Variants in NXNL2 observed in about 807,000 individuals in gnomAD.
NXNL2 encodes the protein nucleoredoxin like 2, also known as nucleoredoxin-like protein 2.
A neutral mutation model predicts 11.1 loss-of-function variants in NXNL2; 7 were observed. The observed-to-expected ratio is 0.63, with a 90% CI of 0.36 to 1.18. NXNL2 has a LOEUF of 1.18. Among genes scored for constraint, NXNL2 ranks in the 50% most tolerant of loss-of-function variants. The probability of loss-of-function intolerance (pLI) is 0.02; values close to 1 mark genes in which losing one functional copy is unlikely to be tolerated. For synonymous variants in NXNL2, 109 were observed against 101.8 expected (o/e 1.07, Z -0.42); for missense variants, 233 against 217.7 (o/e 1.07, Z -0.44).
At chr9:88,556,408 G>C (rs539021269) in intron 1 of NXNL2, among the ~76,000 whole-genome samples, 1 of 152,234 alleles carries the variant, frequency 6.6e-6, no homozygotes, top group South Asian at 2.1e-4. Flanking sequence ...GAGTTTTATT[G>C]AGTGACAGAA....
intron 1 of NXNL2, among the ~76,000 whole-genome samples, chr9:88,536,795 G>A (rs1829630415): frequency 6.6e-6 from 1 of 152,182 alleles, no homozygotes; most frequent in Non-Finnish European, 1.5e-5. Context: ...CCCAGGCAGG[G>A]CACCGCCCAG....
At position 88,544,625 on chromosome 9, in the gene NXNL2, G is replaced by A; in HGVS notation, c.*78G>A. 1.4e-6 allele frequency: 2 copies of A among 1,447,824 alleles called. No homozygotes were observed. Among genetic ancestry groups the A allele is most frequent in the Non-Finnish European group, 1.8e-6 (2 of 1,097,526 alleles). 89.7% of individuals were successfully genotyped at this position (1,447,824 alleles called of 1,614,324 possible). A position where few individuals can be genotyped will look rare whatever the true frequency, so the allele number is the denominator to read the frequency against. ...GCTGGGGCAAAGAGGAGCATGTTGGGTTCCTTCCTCTGTTGGTGTGATTTC... is the reference window on the plus strand; with the variant it reads ...GCTGGGGCAAAGAGGAGCATGTTGGATTCCTTCCTCTGTTGGTGTGATTTC... On this transcript the variant is annotated 3_prime_UTR_variant, in exon 2 of 2. Coordinates refer to ENST00000375854, the MANE Select transcript of NXNL2 (RefSeq NM_001161625.2).
At chr9:88,582,857 G>C (rs760353422) in intron 1 of NXNL2, among the ~76,000 whole-genome samples, 10 of 152,118 alleles carry the variant, frequency 6.6e-5, no homozygotes, top group South Asian at 2.1e-4. Context: ...TAGTAGAGAT[G>C]GGGCTTTGCC....
chr9:88,566,581 G>C (rs1830173959), intron 1 of NXNL2, among the ~76,000 whole-genome samples: 2 of 152,166 alleles, frequency 1.3e-5, no homozygotes, highest in African/African-American at 4.8e-5. Flanking sequence ...GGGATTACAG[G>C]CATGAGCCAC....
At chr9:88,581,408 T>C (rs73490050) in intron 1 of NXNL2, among the ~76,000 whole-genome samples, 7,749 of 150,834 alleles carry the variant, frequency 0.051, 297 homozygotes, top group African/African-American at 0.095. Flanking sequence ...ATAGTGAGCA[T>C]GAGTAATTTT....
intron 1 of NXNL2, among the ~76,000 whole-genome samples, chr9:88,581,990 T>C (rs1451490633): frequency 2.6e-5 from 4 of 152,214 alleles, no homozygotes; most frequent in Non-Finnish European, 5.9e-5. Context: ...CATCTCCTTA[T>C]GGACTTCGGC....
downstream of NXNL2, among the ~76,000 whole-genome samples, chr9:88,549,910 C>T (rs987477051): frequency 2.6e-5 from 4 of 152,054 alleles, no homozygotes; most frequent in Non-Finnish European, 5.9e-5. Flanking sequence ...CTGCAACCTC[C>T]GCCTCCCAGG....
chr9:88,556,448 T>C (rs1830012216), intron 1 of NXNL2, among the ~76,000 whole-genome samples: 1 of 152,102 alleles, frequency 6.6e-6, no homozygotes, highest in Admixed American at 6.6e-5. Flanking sequence ...GGACCCGAAG[T>C]GGGTAACCCA....
At chr9:88,575,250 A>G (rs1423418660) in exon 3 of NXNL2, 2 of 738,512 alleles carry the variant, frequency 2.7e-6, no homozygotes, top group African/African-American at 3.9e-5. Context: ...TGCTGGGTAT[A>G]TACCCGAAAG....
chr9:88,579,815 T>A (rs904635896), downstream of NXNL2, among the ~76,000 whole-genome samples: 5 of 152,114 alleles, frequency 3.3e-5, no homozygotes, highest in Non-Finnish European at 7.4e-5. Flanking sequence ...CTTAACCTTC[T>A]GAGGGCTGGT....
intron 1 of NXNL2, chr9:88,571,083 T>C (rs1830256745): frequency 2.3e-6 from 1 of 426,918 alleles, no homozygotes; most frequent in Non-Finnish European, 4.6e-6. Flanking sequence ...TTTTTTTTTT[T>C]CAGACGGAGT....
chr9:88,569,169 G>A (rs531650353), intron 1 of NXNL2, among the ~76,000 whole-genome samples: 12 of 152,256 alleles, frequency 7.9e-5, no homozygotes, highest in South Asian at 6.2e-4. Context: ...GGTCTCAAAT[G>A]GTCCTCCTGC....
In NXNL2 at chr9:88,535,751, T is replaced by C; in HGVS notation, c.302+15T>C. On this transcript the variant is annotated intron_variant, in intron 1 of 1. Transcript: ENST00000375854. ...CCCTACCGGCAGTGAGTGGGGGTCCTGGGGGGGCGGGGGCCGCCCGGCACG... is the reference window on the plus strand; with the variant it reads ...CCCTACCGGCAGTGAGTGGGGGTCCCGGGGGGGCGGGGGCCGCCCGGCACG... The C allele has an allele frequency of 2.0e-6, 3 of 1,530,440 alleles. No homozygotes were observed. Among genetic ancestry groups the C allele is most frequent in the Non-Finnish European group, 2.6e-6 (3 of 1,147,968 alleles). The allele number at this position is 1,530,440 out of a possible 1,614,324, so 94.8% of individuals were successfully genotyped here. A position where few individuals can be genotyped will look rare whatever the true frequency, so the allele number is the denominator to read the frequency against.
downstream of NXNL2, among the ~76,000 whole-genome samples, chr9:88,578,639 G>T (rs888804035): frequency 1.3e-5 from 2 of 152,230 alleles, no homozygotes; most frequent in Non-Finnish European, 2.9e-5. Flanking sequence ...CGCCGGCCCG[G>T]CCTACCAACT....
intron 1 of NXNL2, among the ~76,000 whole-genome samples, chr9:88,565,619 C>A (rs1036197407): frequency 2.6e-5 from 4 of 152,106 alleles, no homozygotes; most frequent in Admixed American, 2.6e-4. Context: ...CTCACTGCAG[C>A]CTCTGCCTCC....
chr9:88,580,330 T>G (rs1011994321), downstream of NXNL2, among the ~76,000 whole-genome samples: 1 of 151,964 alleles, frequency 6.6e-6, no homozygotes, highest in Admixed American at 6.6e-5. Flanking sequence ...ATTTTTTGTA[T>G]TTTTAGTAGA....
chr9:88,535,627 T>G lies in NXNL2; in HGVS notation c.193T>G (p.Phe65Val), dbSNP rs1466604744. ...GGCCGAGGCGCGGCGGCCCGCGCCCTTCGAAGTGGTCTTCGTGTCAGCCGA... is the reference window on the plus strand; with the variant it reads ...GGCCGAGGCGCGGCGGCCCGCGCCCGTCGAAGTGGTCTTCGTGTCAGCCGA... ...LVAEARRPAP[F>V]EVVFVSADGS... Residue 65 changes from phenylalanine to valine, a missense_variant, in exon 1 of 2, where the codon TTC becomes GTC. By Grantham distance (50) the Phe-to-Val change is conservative. Transcript: ENST00000375854. 1.9e-6 allele frequency: 3 copies of G among 1,608,940 alleles called. No homozygotes were observed. The African/African-American group carries it at 4.0e-5, about 21-fold the overall frequency.
downstream of NXNL2, among the ~76,000 whole-genome samples, chr9:88,548,721 G>A (rs551214265): frequency 4.6e-5 from 7 of 151,276 alleles, no homozygotes; most frequent in Admixed American, 3.3e-4. Flanking sequence ...TTATCTGGCT[G>A]TTTGCTTTGT....
Position 88,560,873 on chromosome 9 carries a change from C to T in NXNL2, c.303-10214C>T, listed in dbSNP as rs570944738. Reference sequence around the variant, plus strand: ...CTTGGGCTGAGACCCAGAATCTGACCCCACAGCAGCAGAGATGGATATTGA... The same window carrying T: ...CTTGGGCTGAGACCCAGAATCTGACTCCACAGCAGCAGAGATGGATATTGA... On this transcript the variant is annotated intron_variant, in intron 1 of 2. Transcript: ENST00000375855. 2.6e-4 allele frequency among the ~76,000 whole-genome samples: 40 copies of T among 152,240 alleles called. 1 individual carries two copies. The South Asian group carries it at 7.9e-3, about 30-fold the overall frequency.
Sources: gnomAD v4.1 joint callset for allele counts (sites outside exome capture counted in the v4.1 genomes callset) on GRCh38, gnomAD v4.1.1 for gene constraint, MANE v1.5 for transcripts, NCBI Gene and HGNC (gene_info 2026-07-23, HGNC 2026-07-21) for gene names.